NTM: variants seen among roughly 807,000 people sequenced by gnomAD.
The protein encoded by NTM is neurotrimin, also known as IgLON family member 2.
In NTM, 13 loss-of-function variants were observed where a neutral mutation model predicts 42.1. The ratio of observed to expected loss-of-function variants is 0.31; its 90% CI spans 0.20 to 0.49. NTM has a LOEUF of 0.49. Among genes scored for constraint, NTM ranks in the 20% least tolerant of loss-of-function variants. NTM has a pLI of 0.99. For missense variants in NTM, 373 were observed against 452.8 expected, an observed-to-expected ratio of 0.82 and a Z score of 1.60; for synonymous variants, 187 against 179.2, an observed-to-expected ratio of 1.04 and a Z score of -0.35.
chr11:131,749,221 T>C (rs12803918), intron 1 of NTM, among the ~76,000 whole-genome samples: 18,505 of 152,184 alleles, frequency 0.12, 1,169 homozygotes, highest in South Asian at 0.19. Context: ...CACAGGGACC[T>C]GGGTTTCAAC....
chr11:132,096,492 T>A (rs2061007902), intron 2 of NTM, among the ~76,000 whole-genome samples: 1 of 152,156 alleles, frequency 6.6e-6, no homozygotes, highest in South Asian at 2.1e-4. Context: ...ATTGAATGAC[T>A]CACTTAGTAT....
intron 7 of NTM, among the ~76,000 whole-genome samples, chr11:132,328,679 A>C (rs2095737486): frequency 6.6e-6 from 1 of 152,024 alleles, no homozygotes; most frequent in African/African-American, 2.4e-5. Flanking sequence ...TGGGGGTAAA[A>C]GTTTTATGAT....
intron 7 of NTM, among the ~76,000 whole-genome samples, chr11:132,318,880 T>C (rs1057278654): frequency 2.6e-5 from 4 of 152,002 alleles, no homozygotes; most frequent in African/African-American, 7.3e-5. Context: ...AGAAATGCAT[T>C]ACATGGGAAG....
chr11:132,013,073 T>C (rs2072588706), intron 2 of NTM, among the ~76,000 whole-genome samples: 1 of 152,102 alleles, frequency 6.6e-6, no homozygotes, highest in African/African-American at 2.4e-5. Context: ...GAGGGTTACT[T>C]GAAGATAACC....
chr11:131,799,978 C>G (rs1384281054), intron 1 of NTM, among the ~76,000 whole-genome samples: 7 of 152,054 alleles, frequency 4.6e-5, no homozygotes, highest in African/African-American at 2.4e-5. Context: ...AATGGGGAAA[C>G]AGTAGCCATC....
At chr11:131,613,215 T>A (rs1265197529) in intron 1 of NTM, among the ~76,000 whole-genome samples, 1 of 152,090 alleles carries the variant, frequency 6.6e-6, no homozygotes, top group Non-Finnish European at 1.5e-5. Flanking sequence ...GTCTGGGCAC[T>A]CTCCTCGCCC....
At chr11:131,617,032 T>G (rs1039628920) in intron 1 of NTM, among the ~76,000 whole-genome samples, 2 of 152,144 alleles carry the variant, frequency 1.3e-5, no homozygotes, top group African/African-American at 2.4e-5. Context: ...CTCCTGCATC[T>G]GGAGGGGGAC....
intron 1 of NTM, among the ~76,000 whole-genome samples, chr11:131,765,694 G>A (rs1021169356): frequency 1.3e-5 from 2 of 152,090 alleles, no homozygotes; most frequent in African/African-American, 2.4e-5. Flanking sequence ...GCCAGGCACC[G>A]GGCCCGGCTT....
chr11:132,255,981 A>C (rs911443403), intron 4 of NTM, among the ~76,000 whole-genome samples: 31 of 151,958 alleles, frequency 2.0e-4, no homozygotes, highest in African/African-American at 7.5e-4. Context: ...ATAATAATAA[A>C]AATAGACATA....
At chr11:132,057,111 G>A (rs939397303) in intron 2 of NTM, among the ~76,000 whole-genome samples, 4 of 152,118 alleles carry the variant, frequency 2.6e-5, no homozygotes, top group East Asian at 1.9e-4. Flanking sequence ...ATCATTTGGC[G>A]TGCAAAAAAG....
At chr11:131,728,115 C>A (rs1450328174) in intron 1 of NTM, among the ~76,000 whole-genome samples, 2 of 151,786 alleles carry the variant, frequency 1.3e-5, no homozygotes, top group African/African-American at 2.4e-5. Flanking sequence ...GTGGAAAAAA[C>A]CAACAAGCAA....
intron 1 of NTM, among the ~76,000 whole-genome samples, chr11:131,825,247 A>G (rs2041988295): frequency 6.6e-6 from 1 of 152,306 alleles, no homozygotes; most frequent in Non-Finnish European, 1.5e-5. Flanking sequence ...GACACCAGTC[A>G]TGTTGGATGA....
At chr11:131,794,702 G>A in intron 1 of NTM, 3 of 985,390 alleles carry the variant, frequency 3.0e-6, no homozygotes, top group Non-Finnish European at 3.6e-6. Context: ...AAGACACAGT[G>A]TCCTAGAATG....
rs556344132 is a variant in NTM at position 131,480,984 on chromosome 11, G to A, written c.82+110096G>A. 2.0e-4 allele frequency among the ~76,000 whole-genome samples: 31 copies of A among 152,308 alleles called. 1 individual carries two copies. The highest frequency in any genetic ancestry group is 6.0e-4 in the African/African-American group (25 of 41,576). ...ATGGCAATGTGCAGATGAATCCACT[G>A]GGCACAGTGGGGTAGAAGTAGGGAG... On this transcript the variant is annotated intron_variant, in intron 1 of 8. Coordinates refer to ENST00000683400, the MANE Select transcript of NTM (RefSeq NM_001352005.2).
intron 1 of NTM, among the ~76,000 whole-genome samples, chr11:131,450,058 A>G (rs1432795246): frequency 1.3e-5 from 2 of 152,198 alleles, no homozygotes; most frequent in Non-Finnish European, 2.9e-5. Context: ...AGCTGGAGTT[A>G]TAACGATTTC....
At chr11:131,897,470 A>G (rs1395767949) in intron 1 of NTM, among the ~76,000 whole-genome samples, 4 of 152,238 alleles carry the variant, frequency 2.6e-5, no homozygotes, top group Non-Finnish European at 5.9e-5. Flanking sequence ...ATGGTATCTG[A>G]AGCACTGAAA....
intron 1 of NTM, among the ~76,000 whole-genome samples, chr11:131,597,292 C>T (rs913670211): frequency 2.2e-4 from 33 of 152,118 alleles, no homozygotes; most frequent in Non-Finnish European, 2.4e-4. Context: ...GCTCTGTCTT[C>T]CTCTGTCTAC....
At chr11:131,523,478 T>G (rs1488460851) in intron 1 of NTM, among the ~76,000 whole-genome samples, 2 of 151,856 alleles carry the variant, frequency 1.3e-5, no homozygotes, top group Non-Finnish European at 2.9e-5. Flanking sequence ...TGTTGATCAC[T>G]CCTTTATGAA....
chr11:131,831,738 T>G (rs2042842632), intron 1 of NTM, among the ~76,000 whole-genome samples: 1 of 152,112 alleles, frequency 6.6e-6, no homozygotes, highest in Non-Finnish European at 1.5e-5. Context: ...GTGACTTTTC[T>G]GTAAAAATCA....
Sources: allele counts gnomAD v4.1 joint callset (sites outside exome capture counted in the v4.1 genomes callset), GRCh38; gene constraint gnomAD v4.1.1; transcripts MANE v1.5; gene names NCBI Gene and HGNC (gene_info 2026-07-23, HGNC 2026-07-21).